Variants in ASIC2 observed in about 807,000 individuals in gnomAD.
ASIC2 encodes the protein acid-sensing ion channel 2.
In ASIC2, 25 loss-of-function variants were observed where a neutral mutation model predicts 57.3. The ratio of observed to expected loss-of-function variants is 0.44; its 90% CI spans 0.32 to 0.61. The LOEUF is 0.61. ASIC2 is among the 20% of genes least tolerant of loss of function. The pLI, the probability that ASIC2 is intolerant of heterozygous loss-of-function variation, is 0.06. For missense variants in ASIC2, 641 were observed against 738.1 expected, an observed-to-expected ratio of 0.87 and a Z score of 1.52; for synonymous variants, 319 against 307.5, an observed-to-expected ratio of 1.04 and a Z score of -0.39.
chr17:33,678,050 TGCC>T, intron 1 of ASIC2, among the ~76,000 whole-genome samples: 1 of 152,150 alleles, frequency 6.6e-6, no homozygotes, highest in Non-Finnish European at 1.5e-5. Flanking sequence ...TTTTAAAAAT[TGCC>T]ACAGTCCCCC....
intron 1 of ASIC2, among the ~76,000 whole-genome samples, chr17:33,694,822 A>G (rs1035943973): frequency 6.6e-6 from 1 of 151,954 alleles, no homozygotes; most frequent in Non-Finnish European, 1.5e-5. Flanking sequence ...ATCTCCAGTT[A>G]CCTCTGTTTT....
At chr17:33,252,553 C>A (rs561944506) in intron 1 of ASIC2, among the ~76,000 whole-genome samples, 1 of 152,108 alleles carries the variant, frequency 6.6e-6, no homozygotes, top group East Asian at 1.9e-4. Flanking sequence ...ATTGTTTCCC[C>A]GAGCCATAGG....
chr17:33,373,804 G>A (rs994595505), intron 1 of ASIC2, among the ~76,000 whole-genome samples: 1 of 151,724 alleles, frequency 6.6e-6, no homozygotes, highest in Non-Finnish European at 1.5e-5. Flanking sequence ...TCAGCTTCCC[G>A]AGTAGCTGGG....
intron 1 of ASIC2, among the ~76,000 whole-genome samples, chr17:33,333,329 A>G (rs759129740): frequency 6.6e-6 from 1 of 152,222 alleles, no homozygotes; most frequent in African/African-American, 2.4e-5. Context: ...TTTATACTAT[A>G]AAATAATTGG....
intron 1 of ASIC2, among the ~76,000 whole-genome samples, chr17:33,763,091 T>C (rs1910833785): frequency 1.3e-5 from 2 of 152,152 alleles, no homozygotes; most frequent in Admixed American, 6.5e-5. Flanking sequence ...CTGACTCCAA[T>C]TCCAGGGCTC....
At chr17:33,589,447 T>C (rs1904756848) in intron 1 of ASIC2, among the ~76,000 whole-genome samples, 1 of 152,154 alleles carries the variant, frequency 6.6e-6, no homozygotes, top group South Asian at 2.1e-4. Context: ...TATACAACCA[T>C]CACCACCATC....
chr17:33,043,099 G>T (rs2091936205), intron 3 of ASIC2, among the ~76,000 whole-genome samples: 1 of 152,130 alleles, frequency 6.6e-6, no homozygotes, highest in Non-Finnish European at 1.5e-5. Context: ...GCTAATTTTT[G>T]TATTTTTAGT....
At chr17:33,080,728 GCC>G (rs1346929385) in intron 3 of ASIC2, among the ~76,000 whole-genome samples, 11 of 152,154 alleles carry the variant, frequency 7.2e-5, no homozygotes, top group Non-Finnish European at 1.2e-4. Context: ...CACAAGCACT[GCC>G]ATACCTTGAT....
chr17:33,603,609 C>T (rs1156908248), intron 1 of ASIC2, among the ~76,000 whole-genome samples: 1 of 152,176 alleles, frequency 6.6e-6, no homozygotes, highest in Non-Finnish European at 1.5e-5. Context: ...CAGATGTGGG[C>T]TCTTGTTAAC....
intron 1 of ASIC2, among the ~76,000 whole-genome samples, chr17:34,042,852 G>C (rs1053343554): frequency 6.6e-6 from 1 of 152,136 alleles, no homozygotes; most frequent in Non-Finnish European, 1.5e-5. Context: ...GTTTACAACA[G>C]CTTTATTCAT....
chr17:33,456,699 C>A (rs2141993369), intron 1 of ASIC2, among the ~76,000 whole-genome samples: 2 of 152,286 alleles, frequency 1.3e-5, no homozygotes, highest in South Asian at 4.1e-4. Context: ...AAGGTAAGAG[C>A]TGGAGTGAGC....
chr17:33,463,541 T>G (rs1912711736), intron 1 of ASIC2, among the ~76,000 whole-genome samples: 1 of 152,206 alleles, frequency 6.6e-6, no homozygotes, highest in African/African-American at 2.4e-5. Context: ...CCCCAGAATA[T>G]ATCTACAGGC....
At chr17:34,098,859 C>CT (rs1255411861) in intron 1 of ASIC2, among the ~76,000 whole-genome samples, 2 of 151,996 alleles carry the variant, frequency 1.3e-5, no homozygotes, top group African/African-American at 4.8e-5. Flanking sequence ...AAGACAAACT[C>CT]TAAGGGTTCT....
intron 1 of ASIC2, among the ~76,000 whole-genome samples, chr17:33,371,379 AAAG>A (rs1909052821): frequency 6.6e-6 from 1 of 152,230 alleles, no homozygotes; most frequent in Non-Finnish European, 1.5e-5. Flanking sequence ...GTGTGAGCCA[AAAG>A]AAAGCATTGC....
intron 1 of ASIC2, among the ~76,000 whole-genome samples, chr17:33,418,077 T>TGTGTGTGTGTGTGTGTGC (rs1567854602): frequency 6.6e-6 from 1 of 151,064 alleles, no homozygotes; most frequent in African/African-American, 2.4e-5. Flanking sequence ...TGTGTGTGTG[T>TGTGTGTGTGTGTGTGTGC]GCAGCCATGC....
At chr17:33,203,746 T>C (rs1291343869) in intron 1 of ASIC2, among the ~76,000 whole-genome samples, 1 of 152,160 alleles carries the variant, frequency 6.6e-6, no homozygotes, top group Non-Finnish European at 1.5e-5. Flanking sequence ...TCCCTGCTCA[T>C]ATAGGGTGAG....
At position 33,292,069 on chromosome 17, in the gene ASIC2, C is replaced by A; in HGVS notation, c.47G>T (p.Gly16Val). The change falls in exon 1 of 10, where the codon GGC (glycine) becomes GTC (valine). Residue 16 changes from glycine to valine, a missense_variant. This residue lies in a region of ASIC2 where 382 missense variants were observed against 398.0 expected (regional missense o/e 0.96). Coordinates refer to ENST00000225823, the MANE Select transcript of ASIC2 (RefSeq NM_183377.2). ...GCGGGCCATGCGGAAGCGTCCCGGG[C>A]CGGTGAGCGCGGCTGCGGGCAGCCC... is the stretch of plus-strand genomic sequence containing the variant. ...GAGLPAAALT[G>V]PGRFRMAREE... 1 of 1,084,578 alleles carries A rather than the reference C, an allele frequency of 9.2e-7. No individual in the cohort carries two copies. Among genetic ancestry groups the A allele is most frequent in the South Asian group, 4.4e-5 (1 of 22,930 alleles). The allele number at this position is 1,084,578 out of a possible 1,614,324, so 67.2% of individuals were successfully genotyped here.
chr17:33,440,223 T>G (rs1260441692), intron 1 of ASIC2, among the ~76,000 whole-genome samples: 2 of 152,190 alleles, frequency 1.3e-5, no homozygotes, highest in Non-Finnish European at 2.9e-5. Flanking sequence ...TTTCTAGAAA[T>G]GCCATACACA....
Position 34,067,297 on chromosome 17 carries a change from A to G in ASIC2, c.555+88681T>C, listed in dbSNP as rs545555453. Among the ~76,000 whole-genome samples, 23 of 152,344 alleles carry G rather than the reference A, an allele frequency of 1.5e-4. No homozygotes were observed. The South Asian group carries it at 4.8e-3, about 32-fold the overall frequency. ...TGTACAAGTATGGACTTCAGATGAAAGAAATTGAAAAAAGAATACAAATAG... is the reference window on the plus strand; with the variant it reads ...TGTACAAGTATGGACTTCAGATGAAGGAAATTGAAAAAAGAATACAAATAG... On this transcript the variant is annotated intron_variant, in intron 1 of 9. Transcript: ENST00000359872.
Sources: allele counts gnomAD v4.1 joint callset (sites outside exome capture counted in the v4.1 genomes callset), GRCh38; gene constraint gnomAD v4.1.1; regional missense constraint gnomAD v4.1.1; transcripts MANE v1.5; gene names NCBI Gene and HGNC (gene_info 2026-07-23, HGNC 2026-07-21).